Variants in F13A1 observed in about 807,000 individuals in gnomAD.
F13A1 encodes the protein coagulation factor XIII A chain.
F13A1 carries 47 observed loss-of-function variants against 80.1 expected under a neutral mutation model. The observed-to-expected ratio is 0.59, with a 90% CI of 0.46 to 0.75. The LOEUF (loss-of-function observed/expected upper bound fraction) is 0.75, where lower values mean the gene tolerates loss of function less well. Among genes scored for constraint, F13A1 ranks in the 30% least tolerant of loss-of-function variants. The pLI is 0.00. For synonymous variants in F13A1, 349 were observed against 344.9 expected (o/e 1.01, Z -0.13); for missense variants, 817 against 930.4 (o/e 0.88, Z 1.59).
At chr6:6,181,885 C>A in intron 11 of F13A1, 103 bp downstream of exon 11, 2 of 1,281,512 alleles carry the variant, frequency 1.6e-6, no homozygotes, top group Middle Eastern at 2.4e-4. Context: ...CTACCAAATG[C>A]TGCAAATGCC....
chr6:6,179,369 T>C (rs1228660015), intron 11 of F13A1, among the ~76,000 whole-genome samples: 2 of 152,256 alleles, frequency 1.3e-5, no homozygotes, highest in African/African-American at 2.4e-5. Context: ...ATTTAATTCA[T>C]TAAAATAGTT....
Position 6,167,485 on chromosome 6 carries a change from C to T in F13A1, c.1881G>A (p.Val627=). 1 of 1,614,054 alleles carries T rather than the reference C, an allele frequency of 6.2e-7. No individual in the cohort carries two copies. Among genetic ancestry groups the T allele is most frequent in the South Asian group, 1.1e-5 (1 of 91,064 alleles). The change falls in exon 13 of 15, where the codon GTG becomes GTA. Residue 627 remains valine, a synonymous_variant. Coordinates refer to ENST00000264870, the MANE Select transcript of F13A1 (RefSeq NM_000129.4). The part of the protein sequence containing the change: ...RDVLAKQKST[V]LTIPEIIIKV... Reference sequence around the variant, plus strand: ...TGATGATGATCTCAGGGATGGTTAGCACGGTGGACTTTTGCTTGGCCAGAA... The same window carrying T: ...TGATGATGATCTCAGGGATGGTTAGTACGGTGGACTTTTGCTTGGCCAGAA...
chr6:6,151,913 C>T lies in F13A1; in HGVS notation c.1945G>A (p.Val649Met). Residue 649 changes from valine (V) to methionine (M), a missense_variant, in exon 14 of 15, where the codon GTG (valine) becomes ATG (methionine). Physicochemically the swap from Val to Met is conservative, Grantham distance 21 (BLOSUM62 1). Coordinates refer to ENST00000264870, the MANE Select transcript of F13A1 (RefSeq NM_000129.4). The stretch of plus-strand genomic sequence containing the variant: ...AAAGGATTGGTAAACTCAACTGTCA[C>T]AGTCATGTCAGAACCAACTACCTGA... ...GTQVVGSDMT[V>M]TVEFTNPLKE... is the part of the protein sequence containing the mutation. 8 of 1,614,070 alleles carry T rather than the reference C, an allele frequency of 5.0e-6. No homozygotes were observed. Among genetic ancestry groups the T allele is most frequent in the Non-Finnish European group, 6.8e-6 (8 of 1,179,972 alleles).
At chr6:6,273,819 A>T (rs1231083965) in intron 3 of F13A1, among the ~76,000 whole-genome samples, 1 of 152,218 alleles carries the variant, frequency 6.6e-6, no homozygotes, top group Non-Finnish European at 1.5e-5. Flanking sequence ...ATGGAAAGGG[A>T]GTGTGCTGAG....
rs982316038 is a variant in F13A1, at chr6:6,205,733, G to T, written c.1113-8407C>A. Among the ~76,000 whole-genome samples the T allele has an allele frequency of 5.3e-5, 8 of 150,456 alleles. No individual in the cohort carries two copies. The East Asian group carries it at 1.4e-3, about 25-fold the overall frequency. ...GTTTTATTATTTTTTTTTTAGTGTA[G>T]TACCTCCAAATGGAACAGGCAGGGA... On this transcript the variant is annotated intron_variant, in intron 8 of 14. Coordinates refer to ENST00000264870, the MANE Select transcript of F13A1 (RefSeq NM_000129.4).
At chr6:6,305,764 G>T (rs562291095) in intron 2 of F13A1, 2 of 538,476 alleles carry the variant, frequency 3.7e-6, no homozygotes, top group Non-Finnish European at 3.3e-6. Flanking sequence ...CTTTGATCTC[G>T]TTTCAGACCA....
chr6:6,240,375 GC>G (rs1433233545), intron 6 of F13A1, among the ~76,000 whole-genome samples: 1 of 152,028 alleles, frequency 6.6e-6, no homozygotes, highest in Non-Finnish European at 1.5e-5. Flanking sequence ...TCCCCCCACT[GC>G]CCCCACCTGA....
Position 6,305,559 on chromosome 6 carries a change from G to A in F13A1, c.131-20C>T. The A allele has an allele frequency of 2.5e-6, 4 of 1,613,104 alleles. No individual in the cohort carries two copies. Among genetic ancestry groups the A allele is most frequent in the South Asian group, 2.2e-5 (2 of 91,036 alleles). On this transcript the variant is annotated intron_variant, in intron 2 of 14. Coordinates refer to ENST00000264870, the MANE Select transcript of F13A1 (RefSeq NM_000129.4). ...GAAACTCTATGAACAAGAAAAACAAGGGTTGAAGAAAATAATCAACTAACT... is the reference window on the plus strand; with the variant it reads ...GAAACTCTATGAACAAGAAAAACAAAGGTTGAAGAAAATAATCAACTAACT...
At chr6:6,161,890 G>A (rs965323986) in intron 13 of F13A1, among the ~76,000 whole-genome samples, 3 of 152,102 alleles carry the variant, frequency 2.0e-5, no homozygotes, top group Admixed American at 6.6e-5. Context: ...TTTGGTTGAC[G>A]GTGACTTGGA....
At chr6:6,276,835 G>A (rs1439168714) in intron 3 of F13A1, among the ~76,000 whole-genome samples, 1 of 152,098 alleles carries the variant, frequency 6.6e-6, no homozygotes, top group African/African-American at 2.4e-5. Flanking sequence ...GGCTATAATA[G>A]CAAAGAAATC....
intron 9 of F13A1, among the ~76,000 whole-genome samples, chr6:6,196,611 A>T (rs1322783228): frequency 6.6e-6 from 1 of 152,234 alleles, no homozygotes; most frequent in Non-Finnish European, 1.5e-5. Context: ...ACCTGAGGAA[A>T]TAAACATAAT....
At chr6:6,280,122 T>A (rs998797316) in intron 3 of F13A1, among the ~76,000 whole-genome samples, 35 of 152,222 alleles carry the variant, frequency 2.3e-4, no homozygotes, top group African/African-American at 8.2e-4. Context: ...AGTATTAACC[T>A]ACAAGTGGAT....
At chr6:6,181,808 A>G (rs1489803451) in intron 11 of F13A1, among the ~76,000 whole-genome samples, 180 bp downstream of exon 11, 1 of 152,224 alleles carries the variant, frequency 6.6e-6, no homozygotes, top group Non-Finnish European at 1.5e-5. Context: ...CTAGCAAAGA[A>G]AACTACAATG....
chr6:6,161,524 A>ATGTGTGTGTGTGTGTGTGTG (rs143895728), intron 13 of F13A1, among the ~76,000 whole-genome samples: 1,490 of 133,494 alleles, frequency 0.011, 16 homozygotes, highest in Middle Eastern at 0.029. Flanking sequence ...CAGAGAGAGG[A>ATGTGTGTGTGTGTGTGTGTG]TGTGTGTGTG....
At chr6:6,161,816 C>A (rs949966458) in intron 13 of F13A1, among the ~76,000 whole-genome samples, 7 of 152,140 alleles carry the variant, frequency 4.6e-5, no homozygotes, top group Non-Finnish European at 8.8e-5. Flanking sequence ...TTTATCACCA[C>A]AGGGACCAGT....
chr6:6,261,466 T>A (rs763406611), intron 4 of F13A1, among the ~76,000 whole-genome samples: 1 of 152,334 alleles, frequency 6.6e-6, no homozygotes, highest in South Asian at 2.1e-4. Flanking sequence ...CCGCTAAGTG[T>A]TGACCCCGAC....
chr6:6,205,646 G>A (rs1448398848), intron 8 of F13A1, among the ~76,000 whole-genome samples: 4 of 152,020 alleles, frequency 2.6e-5, no homozygotes, highest in Non-Finnish European at 5.9e-5. Flanking sequence ...GAAAATTAGG[G>A]GCTGATTATC....
At chr6:6,234,956 C>T (rs1246251860) in intron 6 of F13A1, among the ~76,000 whole-genome samples, 1 of 151,792 alleles carries the variant, frequency 6.6e-6, no homozygotes, top group Non-Finnish European at 1.5e-5. Context: ...ATCAATGTGA[C>T]ACAATAGAGA....
intron 4 of F13A1, among the ~76,000 whole-genome samples, chr6:6,255,743 A>C (rs772875594): frequency 9.2e-5 from 14 of 152,160 alleles, no homozygotes; most frequent in Non-Finnish European, 1.6e-4. Flanking sequence ...ACTTGAATTA[A>C]ATCTCACCTC....
Sources: allele counts gnomAD v4.1 joint callset (sites outside exome capture counted in the v4.1 genomes callset), GRCh38; gene constraint gnomAD v4.1.1; transcripts MANE v1.5; gene names NCBI Gene and HGNC (gene_info 2026-07-23, HGNC 2026-07-21).